The following CFAP20DC variants were observed in gnomAD, a reference collection of about 807,000 sequenced individuals.
The protein encoded by CFAP20DC is protein CFAP20DC.
In CFAP20DC, 84 loss-of-function variants were observed where a neutral mutation model predicts 101.7. That is an observed-to-expected ratio of 0.83 (90% confidence interval 0.69 to 0.99). The LOEUF (loss-of-function observed/expected upper bound fraction) is 0.99. Among genes scored for constraint, CFAP20DC ranks in the 50% least tolerant of loss-of-function variants. The probability of loss-of-function intolerance (pLI) is 0.00; values close to 1 mark genes in which losing one functional copy is unlikely to be tolerated. For missense variants in CFAP20DC, 1,007 were observed against 970.3 expected (o/e 1.04, Z -0.50); for synonymous variants, 359 against 351.2 (o/e 1.02, Z -0.25).
intron 4 of CFAP20DC, among the ~76,000 whole-genome samples, chr3:58,939,632 G>A (rs368355967): frequency 2.6e-5 from 4 of 151,284 alleles, no homozygotes; most frequent in Admixed American, 6.6e-5. Context: ...CTAATTTTTC[G>A]TATTTTTAGT....
intron 16 of CFAP20DC, among the ~76,000 whole-genome samples, chr3:58,750,314 T>C (rs35289528): frequency 0.11 from 16,677 of 152,216 alleles, 1,115 homozygotes; most frequent in Middle Eastern, 0.19. Flanking sequence ...GAAATGCATC[T>C]TGGCTTCTCC....
intron 15 of CFAP20DC, among the ~76,000 whole-genome samples, chr3:58,761,274 G>C (rs552003773): frequency 6.6e-6 from 1 of 152,154 alleles, no homozygotes; most frequent in Non-Finnish European, 1.5e-5. Context: ...GAGGGTGTAT[G>C]TGTCGAGGAA....
chr3:58,854,377 G>A (rs1343732155), intron 12 of CFAP20DC, among the ~76,000 whole-genome samples: 1 of 150,942 alleles, frequency 6.6e-6, no homozygotes, highest in African/African-American at 2.4e-5. Flanking sequence ...TCATGGGTAG[G>A]AAGAATCAAT....
intron 6 of CFAP20DC, among the ~76,000 whole-genome samples, chr3:58,890,405 T>C (rs2082085810): frequency 7.7e-6 from 1 of 129,458 alleles, no homozygotes; most frequent in African/African-American, 3.1e-5. Context: ...GCCCCTCACC[T>C]CCCGGACGGG....
chr3:58,967,128 T>C (rs1280539878), intron 4 of CFAP20DC, among the ~76,000 whole-genome samples: 1 of 152,108 alleles, frequency 6.6e-6, no homozygotes, highest in African/African-American at 2.4e-5. Context: ...ATAGTAAACA[T>C]GACAGTGTGG....
chr3:58,807,289 C>A (rs1234927115), intron 14 of CFAP20DC, among the ~76,000 whole-genome samples: 1 of 152,186 alleles, frequency 6.6e-6, no homozygotes, highest in Non-Finnish European at 1.5e-5. Context: ...CCCCTGACCT[C>A]CAAGCAGCCT....
At chr3:58,942,547 T>C (rs2088761746) in intron 4 of CFAP20DC, among the ~76,000 whole-genome samples, 1 of 152,222 alleles carries the variant, frequency 6.6e-6, no homozygotes, top group Non-Finnish European at 1.5e-5. Flanking sequence ...CTGGCCCAGA[T>C]ACTATGCTTT....
chr3:58,977,695 A>G (rs1017734787), intron 4 of CFAP20DC, among the ~76,000 whole-genome samples: 2 of 151,584 alleles, frequency 1.3e-5, no homozygotes, highest in Admixed American at 1.3e-4. Flanking sequence ...TAAAAGTTTT[A>G]TAACTTTTTG....
chr3:59,013,211 T>A (rs116470331), intron 4 of CFAP20DC, among the ~76,000 whole-genome samples: 1,595 of 152,174 alleles, frequency 0.01, 33 homozygotes, highest in African/African-American at 0.036. Context: ...GGAAGGTGAG[T>A]CTATTTAGCT....
intron 4 of CFAP20DC, among the ~76,000 whole-genome samples, chr3:58,938,951 G>A (rs2088108603): frequency 6.6e-6 from 1 of 152,048 alleles, no homozygotes; most frequent in East Asian, 1.9e-4. Context: ...AAATGCAGAA[G>A]TATTAACACT....
chr3:59,026,640 A>C (rs1357209250), intron 4 of CFAP20DC, among the ~76,000 whole-genome samples: 1 of 152,220 alleles, frequency 6.6e-6, no homozygotes, highest in Non-Finnish European at 1.5e-5. Context: ...GACCGATGAC[A>C]TATGAAAAGA....
chr3:58,895,534 A>G (rs2082599037), intron 6 of CFAP20DC, among the ~76,000 whole-genome samples: 1 of 152,240 alleles, frequency 6.6e-6, no homozygotes, highest in Admixed American at 6.5e-5. Context: ...TATTGTCCAT[A>G]TCGCTATCAG....
At chr3:58,769,139 C>T (rs9859619) in intron 15 of CFAP20DC, among the ~76,000 whole-genome samples, 3 of 152,106 alleles carry the variant, frequency 2.0e-5, no homozygotes, top group South Asian at 2.1e-4. Context: ...GACCCTGGGC[C>T]GAATTTTGCA....
intron 3 of CFAP20DC, among the ~76,000 whole-genome samples, chr3:59,041,878 A>G (rs1170137684): frequency 6.6e-6 from 1 of 152,128 alleles, no homozygotes; most frequent in Non-Finnish European, 1.5e-5. Context: ...GATTATTTAT[A>G]TGGATTAAAT....
intron 15 of CFAP20DC, among the ~76,000 whole-genome samples, chr3:58,758,517 G>C: frequency 6.6e-6 from 1 of 151,964 alleles, no homozygotes; most frequent in South Asian, 2.1e-4. Flanking sequence ...GGTTTCCTCA[G>C]CTCTGACTAT....
chr3:59,021,909 C>T (rs1251002722), intron 4 of CFAP20DC, among the ~76,000 whole-genome samples: 2 of 152,006 alleles, frequency 1.3e-5, no homozygotes, highest in Admixed American at 6.6e-5. Context: ...CCATGTTCTT[C>T]GAGTACATAT....
At chr3:58,923,538 C>T (rs780249967) in intron 5 of CFAP20DC, among the ~76,000 whole-genome samples, 23 of 152,204 alleles carry the variant, frequency 1.5e-4, no homozygotes, top group Non-Finnish European at 2.9e-4. Context: ...CCACCAACTA[C>T]ACCATTCCAT....
rs1700177711 is a variant in CFAP20DC, at chr3:59,049,880, G to C, written c.-249C>G. 2 of 576,806 alleles carry C rather than the reference G, an allele frequency of 3.5e-6. No homozygotes were observed. Among genetic ancestry groups the C allele is most frequent in the Admixed American group, 3.1e-5 (1 of 32,172 alleles). The allele number at this position is 576,806 out of a possible 1,614,324, so 35.7% of individuals were successfully genotyped here. ...GGTGCCCGGGTCTGGGGAGGGCGCAGCTGCCTGGACGGACTCCGGGCCGTC... is the reference window on the plus strand; with the variant it reads ...GGTGCCCGGGTCTGGGGAGGGCGCACCTGCCTGGACGGACTCCGGGCCGTC... On this transcript the variant is annotated 5_prime_UTR_variant, in exon 1 of 17. Transcript: ENST00000482387.
chr3:58,733,070 G>T (rs939284655), intron 3 of CFAP20DC, among the ~76,000 whole-genome samples: 1 of 152,210 alleles, frequency 6.6e-6, no homozygotes, highest in East Asian at 1.9e-4. Flanking sequence ...GGTGGCTCAC[G>T]CCTGTAATTC....
Sources: allele counts gnomAD v4.1 joint callset (sites outside exome capture counted in the v4.1 genomes callset), GRCh38; gene constraint gnomAD v4.1.1; transcripts MANE v1.5; gene names NCBI Gene and HGNC (gene_info 2026-07-23, HGNC 2026-07-21).